Variants in CHODL observed in about 807,000 individuals in gnomAD.
CHODL encodes transmembrane protein MT75.
Under a neutral mutation model 34.5 loss-of-function variants are expected in CHODL, and 29 were observed. That is an observed-to-expected ratio of 0.84 (90% CI 0.63 to 1.15). The LOEUF (loss-of-function observed/expected upper bound fraction) is 1.15. CHODL is among the 50% of genes most tolerant of loss of function. CHODL has a pLI of 0.00. For synonymous variants in CHODL, 125 were observed against 116.1 expected (o/e 1.08, Z -0.49); for missense variants, 332 against 332.5 (o/e 1.00, Z 0.01).
In CHODL at chr21:18,256,492, C is replaced by CTTTTTT; in HGVS notation, c.80-9_80-4dup. ...GTTCCGATTATCAATATATGGGCAT[C>CTTTTTT]TTTTTTTTTTTTTCAGGCCAAAAGG... On this transcript the variant is annotated splice_polypyrimidine_tract_variant and intron_variant, in intron 1 of 5. Coordinates refer to ENST00000299295, the MANE Select transcript of CHODL (RefSeq NM_024944.3). 7.4e-7 allele frequency: 1 copy of CTTTTTT among 1,344,774 alleles called. No individual in the cohort carries two copies. The highest frequency in any genetic ancestry group is 1.0e-6 in the Non-Finnish European group (1 of 992,900). 83.3% of individuals were successfully genotyped at this position (1,344,774 alleles called of 1,614,324 possible). A position where few individuals can be genotyped will look rare whatever the true frequency, so the allele number is the denominator to read the frequency against.
intron 2 of CHODL, among the ~76,000 whole-genome samples, chr21:18,188,016 A>G (rs1358365876): frequency 1.3e-5 from 2 of 152,116 alleles, no homozygotes; most frequent in African/African-American, 2.4e-5. Context: ...CTACACGAAG[A>G]TTATGCTTGT....
rs958693167 is a variant in CHODL at position 17,981,398 on chromosome 21, T to A, written c.-144-46474T>A. Among the ~76,000 whole-genome samples, 19 of 152,294 alleles carry A rather than the reference T, an allele frequency of 1.2e-4. No homozygotes were observed. The South Asian group carries it at 1.9e-3, about 15-fold the overall frequency. ...CATGGGCAGCGTTTGTTTCTTTTTT[T>A]AAAAAAATATAATTTCTAAGTGACT... is the stretch of plus-strand genomic sequence containing the variant. On this transcript the variant is annotated intron_variant, in intron 1 of 6. Coordinates refer to the CHODL transcript ENST00000400127.
chr21:17,972,441 A>T (rs1321536265), intron 1 of CHODL, among the ~76,000 whole-genome samples: 1 of 152,216 alleles, frequency 6.6e-6, no homozygotes, highest in Non-Finnish European at 1.5e-5. Flanking sequence ...AACTTCAGCA[A>T]AGTCTCAGGA....
At position 18,262,817 on chromosome 21, in the gene CHODL, G is replaced by T; in HGVS notation, c.661G>T (p.Val221Phe). ...TATAATTCCCAATCTAATTTATGTT[G>T]TTATACCAACAATACCCCTGCTCTT... Reference protein sequence around the residue: ...AGIIPNLIYVVIPTIPLLLLI... With the variant: ...AGIIPNLIYVFIPTIPLLLLI... The change falls in exon 5 of 6, where the codon GTT (valine) becomes TTT (phenylalanine). Residue 221 changes from valine (V) to phenylalanine (F), a missense_variant. By Grantham distance (50) the Val-to-Phe change is conservative (BLOSUM62 -1). Coordinates refer to ENST00000299295, the MANE Select transcript of CHODL (RefSeq NM_024944.3). 1 of 1,601,840 alleles carries T rather than the reference G, an allele frequency of 6.2e-7. No individual in the cohort carries two copies. The highest frequency in any genetic ancestry group is 1.1e-5 in the South Asian group (1 of 90,680).
intron 1 of CHODL, among the ~76,000 whole-genome samples, chr21:17,940,867 G>C (rs547164610): frequency 1.3e-5 from 2 of 152,092 alleles, no homozygotes; most frequent in Non-Finnish European, 2.9e-5. Flanking sequence ...CTGAATGGTC[G>C]TATCTGTAAA....
At chr21:18,052,725 T>C (rs2064530947) in intron 2 of CHODL, among the ~76,000 whole-genome samples, 2 of 151,910 alleles carry the variant, frequency 1.3e-5, no homozygotes, top group African/African-American at 4.8e-5. Flanking sequence ...AGTTGTCCCT[T>C]ATATCACACA....
chr21:18,017,159 T>G (rs542101210), intron 1 of CHODL, among the ~76,000 whole-genome samples: 8 of 152,158 alleles, frequency 5.3e-5, no homozygotes, highest in South Asian at 2.1e-4. Flanking sequence ...AAGGCATGAT[T>G]GTGTTTTGAA....
chr21:18,094,466 C>T (rs1457494547), intron 2 of CHODL, among the ~76,000 whole-genome samples: 1 of 152,028 alleles, frequency 6.6e-6, no homozygotes, highest in African/African-American at 2.4e-5. Flanking sequence ...TGTTAGGTCA[C>T]AAAACAAGTG....
rs143500659 is a variant in CHODL at position 17,979,022 on chromosome 21, T to C, written c.-144-48850T>C. Among the ~76,000 whole-genome samples the C allele has an allele frequency of 9.8e-3, 1,491 of 152,274 alleles. 24 individuals are homozygous for C. Among genetic ancestry groups the C allele is most frequent in the African/African-American group, 0.028 (1,172 of 41,566 alleles). ...ACTTTCCTTTGCTTTCCTCTTCTTT[T>C]TCCAGCTGGAGAACATTCTCTGCGT... On this transcript the variant is annotated intron_variant, in intron 1 of 6. Coordinates refer to the CHODL transcript ENST00000400127.
intron 2 of CHODL, among the ~76,000 whole-genome samples, chr21:18,094,029 A>AAGATATTCT (rs1568882679): frequency 6.6e-6 from 1 of 152,206 alleles, no homozygotes; most frequent in Non-Finnish European, 1.5e-5. Context: ...ACATGGAAAA[A>AAGATATTCT]AGATATTCTA....
chr21:17,943,286 G>C (rs768422297), intron 1 of CHODL, among the ~76,000 whole-genome samples: 2 of 152,154 alleles, frequency 1.3e-5, no homozygotes, highest in African/African-American at 4.8e-5. Flanking sequence ...AAGAAATTCT[G>C]CTCTATGGAT....
At chr21:18,163,524 G>A (rs1370742793) in intron 2 of CHODL, among the ~76,000 whole-genome samples, 2 of 152,018 alleles carry the variant, frequency 1.3e-5, no homozygotes, top group African/African-American at 4.8e-5. Context: ...ATATAGCTAG[G>A]ACCAAAATTC....
At chr21:18,045,693 C>G (rs189555842) in intron 2 of CHODL, among the ~76,000 whole-genome samples, 2 of 152,004 alleles carry the variant, frequency 1.3e-5, no homozygotes, top group East Asian at 3.9e-4. Context: ...ACTGAATCCC[C>G]AATGCATCAG....
intron 1 of CHODL, among the ~76,000 whole-genome samples, chr21:18,245,634 A>G (rs564758594): frequency 6.6e-6 from 1 of 152,066 alleles, no homozygotes; most frequent in South Asian, 2.1e-4. Context: ...GCACCTGCCA[A>G]AGGGGTGGGG....
intron 2 of CHODL, among the ~76,000 whole-genome samples, chr21:18,053,602 C>G (rs762340599): frequency 2.6e-5 from 4 of 151,848 alleles, no homozygotes; most frequent in Non-Finnish European, 5.9e-5. Context: ...GGTAGATCAA[C>G]AGGAGCATAT....
intron 2 of CHODL, among the ~76,000 whole-genome samples, chr21:18,061,683 C>A (rs1391193624): frequency 6.6e-6 from 1 of 152,128 alleles, no homozygotes; most frequent in East Asian, 1.9e-4. Flanking sequence ...GGAACACCAA[C>A]AAAAGACTCT....
At chr21:18,084,998 A>G (rs1479159921) in intron 2 of CHODL, among the ~76,000 whole-genome samples, 2 of 151,526 alleles carry the variant, frequency 1.3e-5, no homozygotes, top group Non-Finnish European at 2.9e-5. Context: ...ATGTACACTT[A>G]GAATTATTAG....
At chr21:18,156,767 G>A (rs2073039526) in intron 2 of CHODL, among the ~76,000 whole-genome samples, 1 of 152,176 alleles carries the variant, frequency 6.6e-6, no homozygotes, top group African/African-American at 2.4e-5. Flanking sequence ...TTGCTTCTGT[G>A]GGTCAGGAGT....
chr21:18,249,051 ATT>A (rs1209327650), intron 1 of CHODL, among the ~76,000 whole-genome samples: 1 of 115,550 alleles, frequency 8.7e-6, no homozygotes, highest in African/African-American at 4.1e-5. Flanking sequence ...TATTATATAT[ATT>A]ATATATAATT....
Sources: gnomAD v4.1 joint callset for allele counts (sites outside exome capture counted in the v4.1 genomes callset) on GRCh38, gnomAD v4.1.1 for gene constraint, MANE v1.5 for transcripts, NCBI Gene and HGNC (gene_info 2026-07-23, HGNC 2026-07-21) for gene names.